The following PTPRJ variants were observed in gnomAD, a reference collection of about 807,000 sequenced individuals.
The protein encoded by PTPRJ is protein tyrosine phosphatase receptor type J, also known as receptor-type tyrosine-protein phosphatase eta.
Under a neutral mutation model 141.3 loss-of-function variants are expected in PTPRJ, and 129 were observed. That is an observed-to-expected ratio of 0.91 (90% CI 0.79 to 1.06). The LOEUF is 1.06. Among genes scored for constraint, PTPRJ ranks in the 50% least tolerant of loss-of-function variants. The pLI is 0.00. For synonymous variants in PTPRJ, 610 were observed against 640.5 expected (o/e 0.95, Z 0.72); for missense variants, 1,601 against 1,679.7 (o/e 0.95, Z 0.82).
chr11:48,124,797 C>G (rs867445113), intron 5 of PTPRJ, among the ~76,000 whole-genome samples, 171 bp from the exon 6 acceptor site: 1 of 152,172 alleles, frequency 6.6e-6, no homozygotes, highest in East Asian at 1.9e-4. Flanking sequence ...AGCTATCAGG[C>G]CTTTTTATGG....
rs869194701 is a variant in PTPRJ, at chr11:47,988,879, GTTTTTTT to G, written c.96+7891_96+7897del. Among the ~76,000 whole-genome samples the G allele has an allele frequency of 1.0e-3, 78 of 76,334 alleles. 1 individual carries two copies. Among genetic ancestry groups the G allele is most frequent in the South Asian group, 4.0e-3 (10 of 2,514 alleles). The allele number at this position is 76,334 out of a possible 152,430, so 50.1% of individuals were successfully genotyped here. A position where few individuals can be genotyped will look rare whatever the true frequency, so the allele number is the denominator to read the frequency against. Reference sequence around the variant, plus strand: ...TCTGAAAGGTGAAAAATTGTATCTTGTTTTTTTTTTTTTTTTTTTTTTTTTTGAGACG... The same window carrying G: ...TCTGAAAGGTGAAAAATTGTATCTTGTTTTTTTTTTTTTTTTTTTGAGACG... On this transcript the variant is annotated intron_variant, in intron 1 of 24. Coordinates refer to ENST00000418331, the MANE Select transcript of PTPRJ (RefSeq NM_002843.4).
chr11:48,085,182 T>G (rs1013671117), intron 1 of PTPRJ, among the ~76,000 whole-genome samples: 2 of 152,046 alleles, frequency 1.3e-5, no homozygotes, highest in Non-Finnish European at 2.9e-5. Context: ...CAGAAGCAAA[T>G]ATGAGAATCC....
chr11:48,128,090 C>A, intron 7 of PTPRJ, 47 bp downstream of exon 7: 1 of 1,570,766 alleles, frequency 6.4e-7, no homozygotes. Context: ...TGTCCTGCTC[C>A]GTGCCAGGCC....
In PTPRJ at chr11:48,167,508, G is replaced by A; in HGVS notation, c.*146G>A. 1 of 932,862 alleles carries A rather than the reference G, an allele frequency of 1.1e-6. No individual in the cohort carries two copies. The highest frequency in any genetic ancestry group is 1.5e-6 in the Non-Finnish European group (1 of 656,446). The allele number at this position is 932,862 out of a possible 1,614,324, so 57.8% of individuals were successfully genotyped here. ...GAACTAATTTTGAGGGCATGAAGCTGCATATGATAGATGACAAATTGGGGC... is the reference window on the plus strand; with the variant it reads ...GAACTAATTTTGAGGGCATGAAGCTACATATGATAGATGACAAATTGGGGC... On this transcript the variant is annotated 3_prime_UTR_variant, in exon 25 of 25. Coordinates refer to ENST00000418331, the MANE Select transcript of PTPRJ (RefSeq NM_002843.4).
intron 1 of PTPRJ, among the ~76,000 whole-genome samples, chr11:48,024,916 T>A (rs1484249209): frequency 6.6e-6 from 1 of 152,236 alleles, no homozygotes; most frequent in East Asian, 1.9e-4. Context: ...AACAGTCGCG[T>A]TTACAGAGCT....
In PTPRJ at chr11:47,980,977, C is replaced by CGCTGCTGCT. The variant is rs747484779; in HGVS notation, c.77_85dup (p.Leu26_Leu28dup). On this transcript the variant is annotated inframe_insertion, in exon 1 of 25. Coordinates refer to ENST00000418331, the MANE Select transcript of PTPRJ (RefSeq NM_002843.4). ...TCGCCCGGGCTGCGCTGGGCGCTGCCGCTGCTGCTGCTGCTGCTGCGCCTG... is the reference window on the plus strand; with the variant it reads ...TCGCCCGGGCTGCGCTGGGCGCTGCCGCTGCTGCTGCTGCTGCTGCTGCTGCTGCGCCTG... 16 of 1,191,832 alleles carry CGCTGCTGCT rather than the reference C, an allele frequency of 1.3e-5. No homozygotes were observed. The highest frequency in any genetic ancestry group is 4.2e-5 in the South Asian group (1 of 23,676). The allele number at this position is 1,191,832 out of a possible 1,614,324, so 73.8% of individuals were successfully genotyped here.
chr11:48,168,415 C>G lies in PTPRJ; in HGVS notation c.*1053C>G, dbSNP rs1265150470. 1 of 150,524 alleles carries G rather than the reference C, an allele frequency of 6.6e-6. No individual in the cohort carries two copies. The highest frequency in any genetic ancestry group is 1.5e-5 in the Non-Finnish European group (1 of 67,684). The allele number at this position is 150,524 out of a possible 1,614,324, so 9.3% of individuals were successfully genotyped here. On this transcript the variant is annotated 3_prime_UTR_variant, in exon 25 of 25. Transcript: ENST00000418331. ...GTGTCTGTATGTGTGTGTGTATGTT[C>G]AGAAGCGTGGCAATCTGTGAACACT... is the stretch of plus-strand genomic sequence containing the variant.
At chr11:48,068,597 TCATTTG>T (rs1203215087) in intron 1 of PTPRJ, among the ~76,000 whole-genome samples, 2 of 152,212 alleles carry the variant, frequency 1.3e-5, no homozygotes, top group African/African-American at 4.8e-5. Flanking sequence ...AGGTATGTCT[TCATTTG>T]CAGCATGAGA....
chr11:48,124,767 A>G (rs1381847884), intron 5 of PTPRJ, among the ~76,000 whole-genome samples: 1 of 152,220 alleles, frequency 6.6e-6, no homozygotes, highest in Admixed American at 6.5e-5. Context: ...CTACTGGAAT[A>G]ACAGTACAAA....
At chr11:47,982,129 G>A (rs1439600552) in intron 1 of PTPRJ, among the ~76,000 whole-genome samples, 3 of 152,250 alleles carry the variant, frequency 2.0e-5, no homozygotes, top group Non-Finnish European at 4.4e-5. Context: ...TGTAGGAGAA[G>A]GGGGCTGGGG....
intron 1 of PTPRJ, among the ~76,000 whole-genome samples, chr11:48,020,413 T>C (rs1421539610): frequency 6.6e-6 from 1 of 152,234 alleles, no homozygotes; most frequent in Non-Finnish European, 1.5e-5. Context: ...TCTTTGTTTC[T>C]TGCTGTTATG....
chr11:48,095,945 A>T (rs543313053), intron 1 of PTPRJ, among the ~76,000 whole-genome samples: 25 of 152,278 alleles, frequency 1.6e-4, no homozygotes, highest in African/African-American at 6.0e-4. Context: ...GGTTGGCCAC[A>T]TTGCTCCCCC....
chr11:48,153,816 T>C lies in PTPRJ; in HGVS notation c.3159T>C (p.Ile1053=). 6.2e-7 allele frequency: 1 copy of C among 1,613,136 alleles called. No homozygotes were observed. Among genetic ancestry groups the C allele is most frequent in the South Asian group, 1.1e-5 (1 of 91,070 alleles). The change falls in exon 19 of 25, where the codon ATT becomes ATC. Residue 1053 remains isoleucine, a synonymous_variant. Transcript: ENST00000418331. ...EEYEDLKLVG[I]SQPKYAAELA... is the part of the protein sequence containing the mutation. ...TTCAGGATCTGAAGCTTGTTGGAAT[T>C]AGTCAACCTAAATATGCAGCAGAAC...
rs1487391589 is a variant in PTPRJ, at chr11:48,088,455, C to T, written c.97-21603C>T. On this transcript the variant is annotated intron_variant, in intron 1 of 24. Transcript: ENST00000418331. ...GTGCTGTACCGGACTCTCCTGGTGA[C>T]AGTTTTAGTGGCTGCATATGTTTGC... Among the ~76,000 whole-genome samples, 3 of 152,174 alleles carry T rather than the reference C, an allele frequency of 2.0e-5. No homozygotes were observed. The East Asian group carries it at 5.8e-4, about 29-fold the overall frequency.
At chr11:47,994,918 C>A (rs1458054553) in intron 1 of PTPRJ, among the ~76,000 whole-genome samples, 4 of 151,964 alleles carry the variant, frequency 2.6e-5, no homozygotes, top group African/African-American at 7.3e-5. Flanking sequence ...CCCTGCAGAC[C>A]CTCTGGGGGT....
intron 22 of PTPRJ, 42 bp downstream of exon 22, chr11:48,160,091 A>G (rs1857730833): frequency 4.4e-6 from 7 of 1,602,824 alleles, no homozygotes; most frequent in South Asian, 2.2e-5. Flanking sequence ...TGTAATTACC[A>G]TATGTTAATT....
intron 21 of PTPRJ, among the ~76,000 whole-genome samples, chr11:48,157,394 T>C (rs915520755): frequency 2.6e-5 from 4 of 152,250 alleles, no homozygotes; most frequent in Non-Finnish European, 5.9e-5. Context: ...TGGGACTTAA[T>C]GTTGCTTTAT....
intron 4 of PTPRJ, among the ~76,000 whole-genome samples, chr11:48,122,959 C>T (rs1434601016): frequency 6.6e-6 from 1 of 152,076 alleles, no homozygotes; most frequent in Non-Finnish European, 1.5e-5. Context: ...CTTGAGCAAG[C>T]CCCCCTGCCT....
At chr11:48,079,708 C>T (rs926525999) in intron 1 of PTPRJ, among the ~76,000 whole-genome samples, 7 of 152,070 alleles carry the variant, frequency 4.6e-5, no homozygotes, top group Non-Finnish European at 1.0e-4. Flanking sequence ...TTGCGTCTGA[C>T]CTAAGGTGTT....
Sources: gnomAD v4.1 joint callset for allele counts (sites outside exome capture counted in the v4.1 genomes callset) on GRCh38, gnomAD v4.1.1 for gene constraint, MANE v1.5 for transcripts, NCBI Gene and HGNC (gene_info 2026-07-23, HGNC 2026-07-21) for gene names.